The following CDH18 variants were observed in gnomAD, a reference collection of about 807,000 sequenced individuals.
CDH18 encodes the protein cadherin-18.
CDH18 carries 31 observed loss-of-function variants against 67.9 expected under a neutral mutation model. The observed-to-expected ratio is 0.46, with a 90% CI of 0.34 to 0.62. The LOEUF is 0.62. Among genes scored for constraint, CDH18 ranks in the 20% least tolerant of loss-of-function variants. The pLI, the probability that CDH18 is intolerant of heterozygous loss-of-function variation, is 0.01. For missense variants in CDH18, 890 were observed against 975.5 expected, an observed-to-expected ratio of 0.91 and a Z score of 1.17; for synonymous variants, 362 against 347.2, an observed-to-expected ratio of 1.04 and a Z score of -0.48.
At chr5:19,861,428 G>T (rs1389195136) in intron 2 of CDH18, among the ~76,000 whole-genome samples, 1 of 152,154 alleles carries the variant, frequency 6.6e-6, no homozygotes, top group Non-Finnish European at 1.5e-5. Flanking sequence ...AAGTCCAGAG[G>T]TAAGAAGGGG....
chr5:19,615,639 A>G (rs1054346894), intron 5 of CDH18, among the ~76,000 whole-genome samples: 3 of 152,110 alleles, frequency 2.0e-5, no homozygotes, highest in Admixed American at 1.3e-4. Flanking sequence ...ACATTAAACT[A>G]CTTCATAGTA....
intron 2 of CDH18, among the ~76,000 whole-genome samples, chr5:20,131,462 C>T (rs1292708705): frequency 1.3e-5 from 2 of 151,906 alleles, no homozygotes; most frequent in African/African-American, 4.8e-5. Flanking sequence ...TTTGTTTTTA[C>T]TTATATTAGA....
chr5:19,531,205 C>CA (rs1413725463), intron 9 of CDH18, among the ~76,000 whole-genome samples: 1 of 151,920 alleles, frequency 6.6e-6, no homozygotes, highest in Non-Finnish European at 1.5e-5. Flanking sequence ...TGAATATATT[C>CA]AAAAAAATGA....
At chr5:20,189,815 C>T (rs952879664) in intron 2 of CDH18, among the ~76,000 whole-genome samples, 1 of 152,140 alleles carries the variant, frequency 6.6e-6, no homozygotes, top group African/African-American at 2.4e-5. Context: ...TAGGTGTCAA[C>T]TATGCCAGTT....
At chr5:19,872,258 T>C (rs984740820) in intron 2 of CDH18, among the ~76,000 whole-genome samples, 3 of 152,168 alleles carry the variant, frequency 2.0e-5, no homozygotes. Flanking sequence ...TTGGAAGAAA[T>C]ACCCTAAGAT....
intron 1 of CDH18, among the ~76,000 whole-genome samples, chr5:20,559,264 C>T (rs974017198): frequency 3.3e-5 from 5 of 152,092 alleles, no homozygotes; most frequent in African/African-American, 1.2e-4. Context: ...AACATCAGTT[C>T]ATCTCCTATC....
chr5:19,710,511 G>A (rs183643246), intron 5 of CDH18, among the ~76,000 whole-genome samples: 2 of 152,114 alleles, frequency 1.3e-5, no homozygotes, highest in East Asian at 3.9e-4. Flanking sequence ...TGTAAACTGA[G>A]AATTATTTTA....
At chr5:19,822,920 G>A (rs906918512) in intron 3 of CDH18, among the ~76,000 whole-genome samples, 1 of 152,072 alleles carries the variant, frequency 6.6e-6, no homozygotes, top group African/African-American at 2.4e-5. Flanking sequence ...CCTACAGCTC[G>A]ACCATAAAAG....
intron 2 of CDH18, among the ~76,000 whole-genome samples, chr5:20,222,412 ACTT>A (rs1180514377): frequency 6.6e-6 from 1 of 152,188 alleles, no homozygotes; most frequent in Non-Finnish European, 1.5e-5. Context: ...ATTTACAAAT[ACTT>A]TCCCAAGCCA....
chr5:19,589,522 A>G (rs2150018824), intron 7 of CDH18, among the ~76,000 whole-genome samples: 1 of 152,058 alleles, frequency 6.6e-6, no homozygotes, highest in East Asian at 1.9e-4. Context: ...TCCATTAATT[A>G]CTCTAATATT....
intron 8 of CDH18, among the ~76,000 whole-genome samples, chr5:19,546,447 G>T (rs567650931): frequency 6.6e-6 from 1 of 152,178 alleles, no homozygotes; most frequent in Non-Finnish European, 1.5e-5. Context: ...AAACTCATGA[G>T]AAGGTGAAAA....
chr5:20,370,771 G>T (rs1402016245), intron 1 of CDH18, among the ~76,000 whole-genome samples: 2 of 152,084 alleles, frequency 1.3e-5, no homozygotes, highest in Non-Finnish European at 2.9e-5. Flanking sequence ...GGGCACAGTG[G>T]CTCGCGCCTG....
intron 5 of CDH18, among the ~76,000 whole-genome samples, chr5:19,669,225 A>G (rs996004582): frequency 1.4e-5 from 2 of 146,744 alleles, no homozygotes; most frequent in Non-Finnish European, 3.0e-5. Context: ...TATATAATAT[A>G]TGTTTAACTA....
intron 1 of CDH18, among the ~76,000 whole-genome samples, chr5:20,364,149 T>C (rs1300835750): frequency 1.3e-5 from 2 of 152,138 alleles, no homozygotes; most frequent in Non-Finnish European, 2.9e-5. Flanking sequence ...TTAATAGATT[T>C]TCAGTACTTC....
At chr5:19,950,393 G>T (rs560716225) in intron 2 of CDH18, among the ~76,000 whole-genome samples, 12 of 151,960 alleles carry the variant, frequency 7.9e-5, no homozygotes, top group Non-Finnish European at 1.6e-4. Flanking sequence ...GTGGGTTGAG[G>T]GATAAAAAAT....
chr5:19,473,816 C>T (rs73760020), intron 12 of CDH18, 100 bp from the exon 13 acceptor site: 34,727 of 984,708 alleles, frequency 0.035, 720 homozygotes, highest in South Asian at 0.056. Context: ...TCGTCATTAA[C>T]CACATTCCAG....
chr5:19,929,551 C>T (rs1208747624), intron 2 of CDH18, among the ~76,000 whole-genome samples: 1 of 151,962 alleles, frequency 6.6e-6, no homozygotes, highest in African/African-American at 2.4e-5. Context: ...ATTTTCATAC[C>T]CTTGCAATTG....
chr5:20,501,717 TTGTGTG>T (rs1170488048), intron 1 of CDH18, among the ~76,000 whole-genome samples: 3,769 of 121,116 alleles, frequency 0.031, 149 homozygotes, highest in African/African-American at 0.095. Flanking sequence ...TCTTAAGGAT[TTGTGTG>T]TGTGTGTGTG....
chr5:20,409,874 G>T, intron 1 of CDH18, among the ~76,000 whole-genome samples: 1 of 151,544 alleles, frequency 6.6e-6, no homozygotes. Context: ...TGTATGCTAA[G>T]AAACCAGGTA....
Sources: gnomAD v4.1 joint callset for allele counts (sites outside exome capture counted in the v4.1 genomes callset) on GRCh38, gnomAD v4.1.1 for gene constraint, MANE v1.5 for transcripts, NCBI Gene and HGNC (gene_info 2026-07-23, HGNC 2026-07-21) for gene names.